Variants in BCKDHA observed in about 807,000 individuals in gnomAD.
The protein encoded by BCKDHA is branched chain keto acid dehydrogenase E1 subunit alpha.
In BCKDHA, 43 loss-of-function variants were observed where a neutral mutation model predicts 52.2. That is an observed-to-expected ratio of 0.82 (90% CI 0.64 to 1.06). BCKDHA has a LOEUF of 1.06. BCKDHA is among the 50% of genes least tolerant of loss of function. The pLI, the probability that BCKDHA is intolerant of heterozygous loss-of-function variation, is 0.00. For synonymous variants in BCKDHA, 234 were observed against 247.9 expected, an observed-to-expected ratio of 0.94 and a Z score of 0.53; for missense variants, 527 against 621.3, an observed-to-expected ratio of 0.85 and a Z score of 1.61.
intron 4 of BCKDHA, among the ~76,000 whole-genome samples, chr19:41,417,637 C>T (rs758142494): frequency 6.6e-6 from 1 of 152,120 alleles, no homozygotes; most frequent in Non-Finnish European, 1.5e-5. Context: ...AAAATATCAA[C>T]AAGTGGGCTG....
chr19:41,401,356 G>A (rs2039136912), intron 1 of BCKDHA, among the ~76,000 whole-genome samples: 1 of 152,034 alleles, frequency 6.6e-6, no homozygotes, highest in African/African-American at 2.4e-5. Flanking sequence ...GATTACAGGT[G>A]TGAGCCACCA....
rs750201225 is a variant in BCKDHA at position 41,424,487 on chromosome 19, A to G, written c.1217A>G (p.Asn406Ser). The G allele has an allele frequency of 3.1e-6, 5 of 1,613,796 alleles. No individual in the cohort carries two copies. Among genetic ancestry groups the G allele is most frequent in the Admixed American group, 3.3e-5 (2 of 59,980 alleles). The change falls in exon 9 of 9, where the codon AAC becomes AGC. Residue 406 changes from asparagine to serine, a missense_variant. Coordinates refer to ENST00000269980, the MANE Select transcript of BCKDHA (RefSeq NM_000709.4). ...GAGCGGAAGCCCAAACCCAACCCCA[A>G]CCTACTCTTCTCAGACGTGTATCAG... ...QAERKPKPNP[N>S]LLFSDVYQEM...
intron 1 of BCKDHA, among the ~76,000 whole-genome samples, chr19:41,403,119 G>A (rs539001749): frequency 6.6e-6 from 1 of 152,320 alleles, no homozygotes; most frequent in Admixed American, 6.5e-5. Context: ...CCAGGTCTCT[G>A]TCTGTGAAAC....
chr19:41,419,497 A>G (rs2039341823), intron 5 of BCKDHA, among the ~76,000 whole-genome samples: 1 of 152,174 alleles, frequency 6.6e-6, no homozygotes, highest in African/African-American at 2.4e-5. Context: ...GCTAGAGTGC[A>G]GTGGTGCTAT....
At chr19:41,417,567 C>A (rs2039319040) in intron 4 of BCKDHA, among the ~76,000 whole-genome samples, 1 of 152,162 alleles carries the variant, frequency 6.6e-6, no homozygotes, top group African/African-American at 2.4e-5. Flanking sequence ...TCAGAAAATA[C>A]CAGTAAACCT....
At chr19:41,407,425 G>A (rs1420804099) in intron 1 of BCKDHA, among the ~76,000 whole-genome samples, 1 of 152,100 alleles carries the variant, frequency 6.6e-6, no homozygotes, top group Non-Finnish European at 1.5e-5. Flanking sequence ...CAACCTGGAC[G>A]CTGTCTCTGC....
intron 5 of BCKDHA, among the ~76,000 whole-genome samples, chr19:41,421,158 G>A (rs2039359857): frequency 6.6e-6 from 1 of 152,198 alleles, no homozygotes; most frequent in African/African-American, 2.4e-5. Flanking sequence ...CCACAAGGCT[G>A]GGGCGTGGCC....
intron 8 of BCKDHA, among the ~76,000 whole-genome samples, chr19:41,423,524 GTC>G (rs1175050881): frequency 6.6e-6 from 1 of 152,086 alleles, no homozygotes; most frequent in Non-Finnish European, 1.5e-5. Context: ...GTCAAGCCCT[GTC>G]TCTACTAAAA....
chr19:41,422,930 C>T lies in BCKDHA; in HGVS notation c.996-68C>T, dbSNP rs10407077. 1.3e-3 allele frequency: 2,111 copies of T among 1,569,364 alleles called. 36 individuals carry two copies. In the African/African-American group the frequency reaches 0.027, roughly 20 times the overall value. The stretch of plus-strand genomic sequence containing the variant: ...CCACTCCTCCTTCCCTAGTTCATCC[C>T]CCATCCTCCCTCCTGACCCCCACTC... On this transcript the variant is annotated intron_variant, in intron 7 of 8. Transcript: ENST00000269980.
intron 1 of BCKDHA, among the ~76,000 whole-genome samples, chr19:41,407,472 G>A (rs527261723): frequency 5.3e-5 from 8 of 152,200 alleles, no homozygotes; most frequent in South Asian, 2.1e-4. Context: ...AGACAGACAC[G>A]AAACAAAGCA....
At chr19:41,404,727 G>A (rs1273048467) in intron 1 of BCKDHA, among the ~76,000 whole-genome samples, 7 of 152,130 alleles carry the variant, frequency 4.6e-5, no homozygotes, top group African/African-American at 1.7e-4. Flanking sequence ...CTGAGTAGCT[G>A]GGACTATAGG....
At chr19:41,410,520 G>A (rs1302957242) in intron 1 of BCKDHA, 117 bp from the exon 2 acceptor site, 3 of 1,178,814 alleles carry the variant, frequency 2.5e-6, no homozygotes, top group Non-Finnish European at 3.7e-6. Context: ...TCAGGCCCCA[G>A]AGTTCACTGG....
At position 41,422,273 on chromosome 19, in the gene BCKDHA, C is replaced by T. The variant is rs756393197; in HGVS notation, c.756C>T (p.Phe252=). The T allele has an allele frequency of 8.1e-6, 13 of 1,614,094 alleles. No homozygotes were observed. Among genetic ancestry groups the T allele is most frequent in the Admixed American group, 1.7e-5 (1 of 60,010 alleles). ...GGGACGCCCATGCCGGCTTCAACTT[C>T]GCTGCCACACTTGAGTGCCCCATCA... The part of the protein sequence containing the change: ...SEGDAHAGFN[F]AATLECPIIF... The change falls in exon 6 of 9, where the codon TTC becomes TTT. Residue 252 remains phenylalanine, a synonymous_variant. Coordinates refer to ENST00000269980, the MANE Select transcript of BCKDHA (RefSeq NM_000709.4).
intron 5 of BCKDHA, among the ~76,000 whole-genome samples, chr19:41,419,508 C>T (rs886793870): frequency 1.6e-4 from 24 of 152,172 alleles, no homozygotes; most frequent in African/African-American, 5.6e-4. Context: ...GTGGTGCTAT[C>T]GCAGCTCACT....
At chr19:41,406,074 G>C (rs941174385) in intron 1 of BCKDHA, among the ~76,000 whole-genome samples, 1 of 152,092 alleles carries the variant, frequency 6.6e-6, no homozygotes, top group East Asian at 1.9e-4. Flanking sequence ...CAGGCACAGC[G>C]TGGAGCCCTT....
chr19:41,416,761 A>C (rs967986698), intron 4 of BCKDHA, among the ~76,000 whole-genome samples: 2 of 152,116 alleles, frequency 1.3e-5, no homozygotes, highest in Admixed American at 6.5e-5. Context: ...TCTCTAAAAA[A>C]TTAAAAAATT....
chr19:41,398,022 G>A, intron 1 of BCKDHA, 87 bp downstream of exon 1: 3 of 1,142,200 alleles, frequency 2.6e-6, no homozygotes, highest in East Asian at 2.5e-5. Flanking sequence ...TGAAGGATAT[G>A]AAGGAAGGGC....
Position 41,414,181 on chromosome 19 carries a change from C to T in BCKDHA, c.484+24C>T, listed in dbSNP as rs199879455. The T allele has an allele frequency of 5.6e-6, 9 of 1,599,528 alleles. No homozygotes were observed. The East Asian group carries it at 2.0e-4, about 36-fold the overall frequency. On this transcript the variant is annotated intron_variant, in intron 4 of 8. Coordinates refer to ENST00000269980, the MANE Select transcript of BCKDHA (RefSeq NM_000709.4). ...AGGTACGTCTGTCCGTGGTTTGGCC[C>T]TGTGGTCCCCATTGAAGTGTACACT...
At chr19:41,399,635 C>T (rs4802116) in intron 1 of BCKDHA, 93,734 of 151,064 alleles carry the variant, frequency 0.62, 29,506 homozygotes, top group African/African-American at 0.7. Flanking sequence ...TTTCTCCCAC[C>T]TGTTCTTTCT....
Sources: allele counts gnomAD v4.1 joint callset (sites outside exome capture counted in the v4.1 genomes callset), GRCh38; gene constraint gnomAD v4.1.1; transcripts MANE v1.5; gene names NCBI Gene and HGNC (gene_info 2026-07-23, HGNC 2026-07-21).